Variants in COLEC12 observed in about 807,000 individuals in gnomAD.
COLEC12 encodes collectin subfamily member 12.
COLEC12 carries 33 observed loss-of-function variants against 71.1 expected under a neutral mutation model. The observed-to-expected ratio is 0.46, with a 90% CI of 0.35 to 0.62. COLEC12 has a LOEUF of 0.62. COLEC12 is among the 20% of genes least tolerant of loss of function. The pLI is 0.00. For missense variants in COLEC12, 765 were observed against 916.1 expected, an observed-to-expected ratio of 0.84 and a Z score of 2.13; for synonymous variants, 350 against 353.0, an observed-to-expected ratio of 0.99 and a Z score of 0.10.
At chr18:473,852 A>G (rs1457025494) in intron 2 of COLEC12, among the ~76,000 whole-genome samples, 1 of 152,238 alleles carries the variant, frequency 6.6e-6, no homozygotes, top group African/African-American at 2.4e-5. Flanking sequence ...TTTTCCAAAA[A>G]TAAAAACAAA....
intron 8 of COLEC12, among the ~76,000 whole-genome samples, chr18:326,441 G>A (rs1010887083): frequency 2.0e-5 from 3 of 152,080 alleles, no homozygotes; most frequent in African/African-American, 4.8e-5. Flanking sequence ...TCCACCTCCC[G>A]GGTCCAAGCA....
At chr18:369,322 A>G (rs567640099) in intron 2 of COLEC12, among the ~76,000 whole-genome samples, 155 of 152,198 alleles carry the variant, frequency 1.0e-3, no homozygotes, top group Middle Eastern at 6.8e-3. Flanking sequence ...GTTCAGGATC[A>G]CTGGCACCAC....
At chr18:462,213 C>A (rs1270575039) in intron 2 of COLEC12, among the ~76,000 whole-genome samples, 1 of 152,206 alleles carries the variant, frequency 6.6e-6, no homozygotes, top group Non-Finnish European at 1.5e-5. Context: ...GAATTAAAAA[C>A]ACAAGCCCAC....
intron 2 of COLEC12, among the ~76,000 whole-genome samples, chr18:413,042 C>T (rs563886232): frequency 7.9e-5 from 12 of 152,222 alleles, no homozygotes; most frequent in South Asian, 4.1e-4. Context: ...CTCAATTATA[C>T]GCTGTCTCCA....
At chr18:349,439 T>C (rs115474799) in intron 3 of COLEC12, among the ~76,000 whole-genome samples, 245 of 152,322 alleles carry the variant, frequency 1.6e-3, no homozygotes, top group African/African-American at 5.7e-3. Flanking sequence ...AGGGAGAGGT[T>C]TGCTGCACGG....
chr18:456,832 T>A (rs1916882374), intron 2 of COLEC12, among the ~76,000 whole-genome samples: 1 of 152,078 alleles, frequency 6.6e-6, no homozygotes, highest in Non-Finnish European at 1.5e-5. Context: ...TTTGGCAACA[T>A]CAGAGCTCTA....
chr18:445,027 C>T (rs564439241), intron 2 of COLEC12, among the ~76,000 whole-genome samples: 1 of 152,272 alleles, frequency 6.6e-6, no homozygotes, highest in African/African-American at 2.4e-5. Flanking sequence ...ACTTGTTGCC[C>T]TCTTCTTAGG....
At position 354,546 on chromosome 18, in the gene COLEC12, C is replaced by T. The variant is rs534283805; in HGVS notation, c.181+2854G>A. Among the ~76,000 whole-genome samples the T allele has an allele frequency of 8.2e-4, 124 of 152,080 alleles. 1 individual carries two copies. The highest frequency in any genetic ancestry group is 2.2e-3 in the African/African-American group (90 of 41,476). ...ATTCTTTTCTTTCTTTCTTTTGTAACGGAGAGAGTTTCTCTAGACTTCAAA... is the reference window on the plus strand; with the variant it reads ...ATTCTTTTCTTTCTTTCTTTTGTAATGGAGAGAGTTTCTCTAGACTTCAAA... On this transcript the variant is annotated intron_variant, in intron 3 of 9. Coordinates refer to ENST00000400256, the MANE Select transcript of COLEC12 (RefSeq NM_130386.3).
intron 2 of COLEC12, among the ~76,000 whole-genome samples, chr18:473,711 T>A (rs145652925): frequency 2.0e-5 from 3 of 152,318 alleles, no homozygotes; most frequent in Non-Finnish European, 4.4e-5. Flanking sequence ...TGTCTTAAGT[T>A]GCTTGCAGTT....
intron 5 of COLEC12, among the ~76,000 whole-genome samples, chr18:341,366 G>T (rs576512312): frequency 2.0e-3 from 306 of 152,342 alleles, no homozygotes; most frequent in Middle Eastern, 3.4e-3. Context: ...TTAAAGAGTT[G>T]TAACAATGAA....
intron 2 of COLEC12, among the ~76,000 whole-genome samples, chr18:447,058 G>C (rs1916668034): frequency 6.6e-6 from 1 of 152,168 alleles, no homozygotes; most frequent in African/African-American, 2.4e-5. Context: ...GTGCTTGGAG[G>C]GAGGGACTTC....
At chr18:477,512 C>T (rs1054863158) in intron 2 of COLEC12, among the ~76,000 whole-genome samples, 1 of 148,562 alleles carries the variant, frequency 6.7e-6, no homozygotes, top group Non-Finnish European at 1.5e-5. Flanking sequence ...TACAATGTTA[C>T]CGTCTTTAGA....
At position 357,423 on chromosome 18, in the gene COLEC12, G is replaced by A. The variant is rs767212314; in HGVS notation, c.158C>T (p.Thr53Ile). The change falls in exon 3 of 10, where the codon ACA (threonine) becomes ATA (isoleucine). Residue 53 changes from threonine (T) to isoleucine (I), a missense_variant. Physicochemically the swap from Thr to Ile is moderately conservative, Grantham distance 89. Transcript: ENST00000400256. The stretch of plus-strand genomic sequence containing the variant: ...ACCTTTATATCCCAAAATGGCTACT[G>A]TGATTGTTAGCAAGGCACACAAAAT... ...LYILCALLTI[T>I]VAILGYKVVE... 3 of 1,601,036 alleles carry A rather than the reference G, an allele frequency of 1.9e-6. No individual in the cohort carries two copies. The highest frequency in any genetic ancestry group is 2.2e-5 in the East Asian group (1 of 44,486).
chr18:364,738 T>C (rs910656220), intron 2 of COLEC12, among the ~76,000 whole-genome samples: 1 of 152,212 alleles, frequency 6.6e-6, no homozygotes, highest in African/African-American at 2.4e-5. Context: ...GAGTTTGCTA[T>C]TGCTGTGAAT....
At chr18:391,500 G>A (rs1316220299) in intron 2 of COLEC12, among the ~76,000 whole-genome samples, 11 of 152,222 alleles carry the variant, frequency 7.2e-5, no homozygotes, top group Non-Finnish European at 1.5e-4. Flanking sequence ...TAAATTGGGG[G>A]TTTTTGTTGT....
intron 2 of COLEC12, among the ~76,000 whole-genome samples, chr18:458,848 C>T (rs72865636): frequency 0.096 from 14,580 of 152,226 alleles, 1,174 homozygotes; most frequent in African/African-American, 0.22. Context: ...CAGATAACTT[C>T]TTTTTGAGAC....
chr18:394,049 G>A (rs549021135), intron 2 of COLEC12, among the ~76,000 whole-genome samples: 1 of 152,290 alleles, frequency 6.6e-6, no homozygotes, highest in East Asian at 1.9e-4. Context: ...CTCCAATCTT[G>A]CTTTTGGAGA....
intron 2 of COLEC12, among the ~76,000 whole-genome samples, chr18:442,300 G>A (rs1170595653): frequency 6.6e-6 from 1 of 152,130 alleles, no homozygotes; most frequent in African/African-American, 2.4e-5. Flanking sequence ...TCTATTTAGA[G>A]GGCATCTGAA....
intron 2 of COLEC12, among the ~76,000 whole-genome samples, chr18:467,599 G>A (rs185790411): frequency 3.9e-5 from 6 of 152,304 alleles, no homozygotes; most frequent in African/African-American, 1.4e-4. Context: ...TCTTCAGATT[G>A]TTAATGGAAA....
Sources: gnomAD v4.1 joint callset for allele counts (sites outside exome capture counted in the v4.1 genomes callset) on GRCh38, gnomAD v4.1.1 for gene constraint, MANE v1.5 for transcripts, NCBI Gene and HGNC (gene_info 2026-07-23, HGNC 2026-07-21) for gene names.